The following ARB2A variants were observed in gnomAD, a reference collection of about 807,000 sequenced individuals.
ARB2A encodes cotranscriptional regulator ARB2A.
At chr5:93,681,437 A>C in the ARB2A span, among the ~76,000 whole-genome samples, 1 of 151,796 alleles carries the variant, frequency 6.6e-6, no homozygotes, top group Non-Finnish European at 1.5e-5. Flanking sequence ...GTTTCCTTAA[A>C]CTCCAGTCAC....
At chr5:94,075,123 C>A in the ARB2A span, among the ~76,000 whole-genome samples, 30 of 152,104 alleles carry the variant, frequency 2.0e-4, no homozygotes, top group South Asian at 4.6e-3. Flanking sequence ...TAAAAAATAT[C>A]TTTGGGTAGT....
At chr5:93,659,347 C>A in the ARB2A span, among the ~76,000 whole-genome samples, 1 of 152,046 alleles carries the variant, frequency 6.6e-6, no homozygotes, top group Non-Finnish European at 1.5e-5. Flanking sequence ...TTTTTGACAG[C>A]AAATGTGCAG....
the ARB2A span, among the ~76,000 whole-genome samples, chr5:93,888,701 G>A: frequency 6.6e-6 from 1 of 151,686 alleles, no homozygotes; most frequent in African/African-American, 2.4e-5. Flanking sequence ...AATCATAAAA[G>A]CTGTTTAACG....
At chr5:93,875,686 G>A in the ARB2A span, among the ~76,000 whole-genome samples, 2 of 152,002 alleles carry the variant, frequency 1.3e-5, no homozygotes, top group African/African-American at 4.8e-5. Context: ...AAATATAAAT[G>A]CCTTGGAATG....
the ARB2A span, among the ~76,000 whole-genome samples, chr5:93,772,898 G>T: frequency 1.3e-5 from 2 of 152,304 alleles, no homozygotes; most frequent in South Asian, 2.1e-4. Flanking sequence ...CTCTTACCAC[G>T]TTCCCCATTA....
the ARB2A span, among the ~76,000 whole-genome samples, chr5:93,681,899 C>T: frequency 6.6e-6 from 1 of 152,114 alleles, no homozygotes; most frequent in Non-Finnish European, 1.5e-5. Context: ...AAAATATTAA[C>T]TAATTTTTCC....
chr5:93,814,863 A>G, the ARB2A span, among the ~76,000 whole-genome samples: 1 of 152,210 alleles, frequency 6.6e-6, no homozygotes, highest in Admixed American at 6.5e-5. Context: ...TTTTGGAGAC[A>G]GTCTTGCTGT....
the ARB2A span, among the ~76,000 whole-genome samples, chr5:93,766,516 A>T: frequency 3.3e-5 from 5 of 152,154 alleles, no homozygotes; most frequent in Non-Finnish European, 7.3e-5. Context: ...TTAGAATGGC[A>T]ATCATTAAAA....
chr5:93,882,887 A>G, the ARB2A span, among the ~76,000 whole-genome samples: 7 of 151,644 alleles, frequency 4.6e-5, no homozygotes, highest in African/African-American at 1.7e-4. Context: ...AATAGGTAGT[A>G]TATATAGTTT....
At chr5:93,797,505 C>T in the ARB2A span, among the ~76,000 whole-genome samples, 12 of 152,134 alleles carry the variant, frequency 7.9e-5, no homozygotes, top group African/African-American at 2.7e-4. Context: ...TGTTACATCA[C>T]ACCTTTTGTT....
At chr5:93,741,065 AGCGG>A in the ARB2A span, 1 of 1,613,886 alleles carries the variant, frequency 6.2e-7, no homozygotes. Flanking sequence ...TGGGCCTCGA[AGCGG>A]CAGATGGTCG....
At chr5:93,850,581 C>T in the ARB2A span, among the ~76,000 whole-genome samples, 3 of 152,100 alleles carry the variant, frequency 2.0e-5, no homozygotes, top group Non-Finnish European at 4.4e-5. Context: ...CTATGGTTGC[C>T]TGTGAGCAGT....
the ARB2A span, among the ~76,000 whole-genome samples, chr5:93,664,280 T>C: frequency 6.6e-6 from 1 of 151,994 alleles, no homozygotes; most frequent in Non-Finnish European, 1.5e-5. Flanking sequence ...AGGTTCTCAT[T>C]ATGTTGGTGA....
the ARB2A span, among the ~76,000 whole-genome samples, chr5:93,995,650 C>T: frequency 6.6e-6 from 1 of 152,124 alleles, no homozygotes; most frequent in Non-Finnish European, 1.5e-5. Flanking sequence ...TGTGAGGAGT[C>T]AGCACCCTAA....
At chr5:93,738,674 T>C in the ARB2A span, 1 of 152,164 alleles carries the variant, frequency 6.6e-6, no homozygotes, top group Non-Finnish European at 1.5e-5. Context: ...AGATGAACCT[T>C]GAAAATGTGC....
At chr5:93,652,109 A>G in the ARB2A span, among the ~76,000 whole-genome samples, 1 of 152,208 alleles carries the variant, frequency 6.6e-6, no homozygotes, top group African/African-American at 2.4e-5. Context: ...GGAAATTTAA[A>G]TGGACTAGTC....
At chr5:93,852,072 A>T in the ARB2A span, among the ~76,000 whole-genome samples, 1 of 152,236 alleles carries the variant, frequency 6.6e-6, no homozygotes, top group Non-Finnish European at 1.5e-5. Flanking sequence ...TCCCAACAAC[A>T]GTGTAAAAGT....
the ARB2A span, among the ~76,000 whole-genome samples, chr5:94,099,448 C>G: frequency 6.6e-6 from 1 of 151,450 alleles, no homozygotes; most frequent in Non-Finnish European, 1.5e-5. Flanking sequence ...CACGGAGAAA[C>G]CCCGCCTCTA....
the ARB2A span, among the ~76,000 whole-genome samples, chr5:93,933,038 A>C: frequency 5.6e-4 from 85 of 152,340 alleles, no homozygotes; most frequent in African/African-American, 1.8e-3. Context: ...GCGGACAACA[A>C]ACATATGACA....
Sources: gnomAD v4.1 joint callset for allele counts (sites outside exome capture counted in the v4.1 genomes callset) on GRCh38, gnomAD v4.1.1 for gene constraint, MANE v1.5 for transcripts, NCBI Gene and HGNC (gene_info 2026-07-23, HGNC 2026-07-21) for gene names.